Variants in GNAQ observed in about 807,000 individuals in gnomAD.
GNAQ encodes the protein guanine nucleotide-binding protein G(q) subunit alpha.
A neutral mutation model predicts 43.9 loss-of-function variants in GNAQ; 8 were observed. The ratio of observed to expected loss-of-function variants is 0.18; its 90% CI spans 0.11 to 0.33. The LOEUF (loss-of-function observed/expected upper bound fraction) is 0.33. Among genes scored for constraint, GNAQ ranks in the 10% least tolerant of loss-of-function variants. The pLI is 1.00. For missense variants in GNAQ, 158 were observed against 450.8 expected, an observed-to-expected ratio of 0.35 and a Z score of 5.88; for synonymous variants, 155 against 170.7, an observed-to-expected ratio of 0.91 and a Z score of 0.71.
intron 1 of GNAQ, among the ~76,000 whole-genome samples, chr9:77,982,298 T>C (rs1433497128): frequency 6.6e-6 from 1 of 152,190 alleles, no homozygotes; most frequent in African/African-American, 2.4e-5. Context: ...TGCCACGCAG[T>C]TCAAAACAAA....
At position 77,833,030 on chromosome 9, in the gene GNAQ, G is replaced by A. The variant is rs191881035; in HGVS notation, c.322-17260C>T. 1.1e-3 allele frequency among the ~76,000 whole-genome samples: 165 copies of A among 152,190 alleles called. 1 individual carries two copies. Among genetic ancestry groups the A allele is most frequent in the African/African-American group, 3.4e-3 (142 of 41,544 alleles). On this transcript the variant is annotated intron_variant, in intron 2 of 6. Transcript: ENST00000286548. ...CTCCCAGGCTGGAATGCAAAGGCAC[G>A]ATCTCGGCTCACTGCAACCTCTGCC...
At chr9:77,854,320 C>A (rs17063918) in intron 2 of GNAQ, among the ~76,000 whole-genome samples, 12,766 of 152,074 alleles carry the variant, frequency 0.084, 629 homozygotes, top group South Asian at 0.18. Context: ...GCAACTGATA[C>A]CCCTACTTAC....
intron 2 of GNAQ, among the ~76,000 whole-genome samples, chr9:77,913,068 T>C (rs1828834473): frequency 6.6e-6 from 1 of 152,156 alleles, no homozygotes; most frequent in African/African-American, 2.4e-5. Flanking sequence ...CTAGAACTCT[T>C]ACAGCTTGTG....
intron 6 of GNAQ, among the ~76,000 whole-genome samples, chr9:77,723,602 C>A (rs1825353066): frequency 6.6e-6 from 1 of 152,162 alleles, no homozygotes; most frequent in Admixed American, 6.5e-5. Context: ...GAATATTATT[C>A]AGCCATAAAA....
At chr9:78,024,029 TTTA>T (rs1379900631) in intron 1 of GNAQ, among the ~76,000 whole-genome samples, 1 of 149,782 alleles carries the variant, frequency 6.7e-6, no homozygotes, top group Non-Finnish European at 1.5e-5. Context: ...AAACAACTAT[TTTA>T]TTTCTAAAGC....
intron 2 of GNAQ, among the ~76,000 whole-genome samples, chr9:77,845,129 T>C (rs1046902536): frequency 6.6e-6 from 1 of 152,196 alleles, no homozygotes; most frequent in African/African-American, 2.4e-5. Context: ...GTTGGAAATA[T>C]AACTCAAAGA....
At chr9:77,815,891 G>T in intron 2 of GNAQ, 121 bp from the exon 3 acceptor site, 3 of 566,798 alleles carry the variant, frequency 5.3e-6, no homozygotes, top group Admixed American at 3.5e-5. Flanking sequence ...CTTTACACTG[G>T]TTTACAATAA....
intron 1 of GNAQ, among the ~76,000 whole-genome samples, chr9:78,013,205 T>A (rs1285862008): frequency 6.6e-6 from 1 of 152,158 alleles, no homozygotes; most frequent in African/African-American, 2.4e-5. Context: ...TATATTGAAA[T>A]TAAGGTAATT....
At chr9:77,733,304 G>C (rs769459659) in intron 5 of GNAQ, among the ~76,000 whole-genome samples, 2 of 152,146 alleles carry the variant, frequency 1.3e-5, no homozygotes, top group Non-Finnish European at 2.9e-5. Context: ...CAAGATCTCC[G>C]ATATCCTGAA....
At chr9:78,024,668 G>T (rs895292090) in intron 1 of GNAQ, among the ~76,000 whole-genome samples, 6 of 152,158 alleles carry the variant, frequency 3.9e-5, no homozygotes, top group African/African-American at 1.2e-4. Flanking sequence ...GTCAGTACGA[G>T]GACATCAGCT....
chr9:77,790,512 C>G (rs2118430949), intron 5 of GNAQ, among the ~76,000 whole-genome samples: 1 of 152,280 alleles, frequency 6.6e-6, no homozygotes, highest in South Asian at 2.1e-4. Context: ...AAAGATAGTT[C>G]AAAATCAAAT....
intron 1 of GNAQ, among the ~76,000 whole-genome samples, chr9:77,976,550 G>A (rs954988311): frequency 2.0e-5 from 3 of 152,152 alleles, no homozygotes; most frequent in East Asian, 3.9e-4. Context: ...GCGCTGCCAC[G>A]CTGGCTAATT....
At chr9:77,929,213 C>G (rs1339111650) in intron 1 of GNAQ, among the ~76,000 whole-genome samples, 1 of 152,126 alleles carries the variant, frequency 6.6e-6, no homozygotes, top group Non-Finnish European at 1.5e-5. Flanking sequence ...TACATGTTCA[C>G]TCTCTCTGCC....
rs1230258098 is a variant in GNAQ at position 77,818,233 on chromosome 9, T to A, written c.322-2463A>T. 2.0e-5 allele frequency among the ~76,000 whole-genome samples: 3 copies of A among 152,316 alleles called. No individual in the cohort carries two copies. The East Asian group carries it at 5.8e-4, about 29-fold the overall frequency. ...GTTGGAATTTCTAAGTCACTTTTACTGCCTCCTAAGCTTTGTTGTTTCATT... is the reference window on the plus strand; with the variant it reads ...GTTGGAATTTCTAAGTCACTTTTACAGCCTCCTAAGCTTTGTTGTTTCATT... On this transcript the variant is annotated intron_variant, in intron 2 of 6. Coordinates refer to ENST00000286548, the MANE Select transcript of GNAQ (RefSeq NM_002072.5).
rs1825261804 is a variant in GNAQ, at chr9:77,718,711, A to T, written c.*2612T>A. On this transcript the variant is annotated 3_prime_UTR_variant, in exon 7 of 7. Transcript: ENST00000286548. ...TTCTCTATACACACTGTAGGCCTTC[A>T]AATGTTGTTGTTTAATTTTTTTTTT... is the stretch of plus-strand genomic sequence containing the variant. 1 of 202,766 alleles carries T rather than the reference A, an allele frequency of 4.9e-6. No individual in the cohort carries two copies. The highest frequency in any genetic ancestry group is 2.4e-5 in the African/African-American group (1 of 42,090). 12.6% of individuals were successfully genotyped at this position (202,766 alleles called of 1,614,324 possible).
intron 2 of GNAQ, among the ~76,000 whole-genome samples, chr9:77,816,195 G>A (rs541743377): frequency 3.9e-5 from 6 of 152,248 alleles, no homozygotes; most frequent in Admixed American, 2.0e-4. Flanking sequence ...TATGGGTGTT[G>A]TATGTCTAAG....
At chr9:77,795,913 AAAC>A (rs1465553297) in intron 4 of GNAQ, among the ~76,000 whole-genome samples, 3 of 152,236 alleles carry the variant, frequency 2.0e-5, no homozygotes, top group African/African-American at 7.2e-5. Context: ...AACGTGGAAA[AAAC>A]AACATGTAAT....
intron 2 of GNAQ, among the ~76,000 whole-genome samples, chr9:77,845,528 T>A (rs1357608629): frequency 6.6e-6 from 1 of 152,198 alleles, no homozygotes; most frequent in African/African-American, 2.4e-5. Flanking sequence ...AGCAGGGTTA[T>A]ATTCTCATAT....
rs182509616 is a variant in GNAQ, at chr9:77,989,703, G to C, written c.136+41397C>G. 3.3e-5 allele frequency among the ~76,000 whole-genome samples: 5 copies of C among 152,316 alleles called. No homozygotes were observed. The East Asian group carries it at 9.6e-4, about 29-fold the overall frequency. On this transcript the variant is annotated intron_variant, in intron 1 of 6. Coordinates refer to ENST00000286548, the MANE Select transcript of GNAQ (RefSeq NM_002072.5). ...ACATCTGGAGCCTTCCCTACCACTG[G>C]ACTGCTCCATACATGAAGGAATGCA...
Sources: gnomAD v4.1 joint callset for allele counts (sites outside exome capture counted in the v4.1 genomes callset) on GRCh38, gnomAD v4.1.1 for gene constraint, MANE v1.5 for transcripts, NCBI Gene and HGNC (gene_info 2026-07-23, HGNC 2026-07-21) for gene names.